ARHGAP32: variants seen among roughly 807,000 people sequenced by gnomAD.
ARHGAP32 encodes Rho GTPase activating protein 32.
A neutral mutation model predicts 186.5 loss-of-function variants in ARHGAP32; 51 were observed. That is an observed-to-expected ratio of 0.27 (90% CI 0.22 to 0.35). The LOEUF (loss-of-function observed/expected upper bound fraction) is 0.35, where lower values mean the gene tolerates loss of function less well. Ranked by LOEUF, ARHGAP32 falls within the 10% of genes least tolerant of loss-of-function variation. The probability of loss-of-function intolerance (pLI) is 1.00; values close to 1 mark genes in which losing one functional copy is unlikely to be tolerated. For synonymous variants in ARHGAP32, 950 were observed against 964.3 expected, an observed-to-expected ratio of 0.99 and a Z score of 0.27; for missense variants, 2,186 against 2,623.5, an observed-to-expected ratio of 0.83 and a Z score of 3.64.
chr11:129,202,634 G>C (rs1227998694), intron 1 of ARHGAP32, among the ~76,000 whole-genome samples: 1 of 152,112 alleles, frequency 6.6e-6, no homozygotes, highest in South Asian at 2.1e-4. Context: ...CAGGAATTAA[G>C]TCAATTTCCC....
chr11:129,163,282 C>T (rs974546721), intron 2 of ARHGAP32, among the ~76,000 whole-genome samples: 2 of 152,278 alleles, frequency 1.3e-5, no homozygotes, highest in African/African-American at 4.8e-5. Context: ...ACAGAGAACA[C>T]TGACTCTTAA....
chr11:129,173,547 G>A (rs569256972), intron 1 of ARHGAP32, among the ~76,000 whole-genome samples: 1 of 152,234 alleles, frequency 6.6e-6, no homozygotes, highest in East Asian at 1.9e-4. Context: ...TACCTCTGAT[G>A]AACATCGATG....
chr11:128,968,790 T>C lies in ARHGAP32; in HGVS notation c.*117A>G. 2 of 825,584 alleles carry C rather than the reference T, an allele frequency of 2.4e-6. No homozygotes were observed. The highest frequency in any genetic ancestry group is 3.3e-6 in the Non-Finnish European group (2 of 597,904). The allele number at this position is 825,584 out of a possible 1,614,324, so 51.1% of individuals were successfully genotyped here. A position where few individuals can be genotyped will look rare whatever the true frequency, so the allele number is the denominator to read the frequency against. On this transcript the variant is annotated 3_prime_UTR_variant, in exon 23 of 23. Transcript: ENST00000682385. ...CTGATTTGTTTACTTTTATTATCAT[T>C]TTTTAAATGTGGTCAGGGGTTTTAT...
At chr11:128,986,718 A>G (rs1192997996) in intron 13 of ARHGAP32, 50 bp from the exon 14 acceptor site, 1 of 1,582,892 alleles carries the variant, frequency 6.3e-7, no homozygotes, top group Admixed American at 1.7e-5. Flanking sequence ...AGGAGAGCAA[A>G]TATGTGTCTT....
At chr11:129,256,725 T>C (rs755353279) in intron 1 of ARHGAP32, among the ~76,000 whole-genome samples, 2 of 152,138 alleles carry the variant, frequency 1.3e-5, no homozygotes, top group Non-Finnish European at 2.9e-5. Context: ...ATAACGGGCA[T>C]GTAAATTATC....
chr11:129,145,743 AC>A (rs1386617022), intron 2 of ARHGAP32, among the ~76,000 whole-genome samples: 1 of 152,114 alleles, frequency 6.6e-6, no homozygotes, highest in East Asian at 1.9e-4. Flanking sequence ...TAAAATTTTG[AC>A]CTATAAAATT....
intron 1 of ARHGAP32, among the ~76,000 whole-genome samples, chr11:129,176,676 C>T (rs1195447180): frequency 6.7e-6 from 1 of 150,258 alleles, no homozygotes; most frequent in Non-Finnish European, 1.5e-5. Context: ...CAACCTGCTC[C>T]GGAATGACTA....
chr11:129,044,530 A>C (rs557082477), intron 10 of ARHGAP32, among the ~76,000 whole-genome samples: 2 of 152,290 alleles, frequency 1.3e-5, no homozygotes, highest in African/African-American at 4.8e-5. Flanking sequence ...AGTAAATGCT[A>C]TTATTATCCC....
intron 1 of ARHGAP32, among the ~76,000 whole-genome samples, chr11:129,178,674 G>C (rs1943977325): frequency 6.6e-6 from 1 of 152,112 alleles, no homozygotes; most frequent in Non-Finnish European, 1.5e-5. Flanking sequence ...ACAAACCTGA[G>C]AAGAACAAGC....
intron 5 of ARHGAP32, among the ~76,000 whole-genome samples, chr11:129,097,291 T>A (rs1042873619): frequency 6.6e-6 from 1 of 152,006 alleles, no homozygotes; most frequent in Admixed American, 6.5e-5. Flanking sequence ...TAGAACACCA[T>A]CTCTACAAAT....
intron 10 of ARHGAP32, among the ~76,000 whole-genome samples, chr11:129,047,988 T>C (rs1200071956): frequency 6.6e-6 from 1 of 152,128 alleles, no homozygotes; most frequent in Non-Finnish European, 1.5e-5. Context: ...GTTCCTCAGG[T>C]CCTTACTTTT....
chr11:129,099,574 A>C (rs957860249), intron 5 of ARHGAP32, among the ~76,000 whole-genome samples: 4 of 152,212 alleles, frequency 2.6e-5, no homozygotes, highest in African/African-American at 9.7e-5. Context: ...AAATACACAA[A>C]TAGATTGAAA....
chr11:129,072,238 G>T (rs959322659), intron 6 of ARHGAP32, among the ~76,000 whole-genome samples: 2 of 152,134 alleles, frequency 1.3e-5, no homozygotes, highest in African/African-American at 2.4e-5. Context: ...TTTAAAAGAG[G>T]TATTAAAATA....
chr11:129,188,694 G>A (rs1944214011), intron 1 of ARHGAP32, among the ~76,000 whole-genome samples: 1 of 146,862 alleles, frequency 6.8e-6, no homozygotes, highest in Non-Finnish European at 1.5e-5. Flanking sequence ...TAAAGGCATT[G>A]TCCCCCCCAA....
chr11:129,008,020 G>C (rs1311292968), intron 11 of ARHGAP32, among the ~76,000 whole-genome samples: 2 of 152,132 alleles, frequency 1.3e-5, no homozygotes, highest in African/African-American at 2.4e-5. Context: ...TCAAGGCAAA[G>C]TCCCAAAATT....
At position 129,015,002 on chromosome 11, in the gene ARHGAP32, C is replaced by T. The variant is rs535032172; in HGVS notation, c.1046-16534G>A. On this transcript the variant is annotated intron_variant, in intron 11 of 22. Transcript: ENST00000682385. Reference sequence around the variant, plus strand: ...TAAAGCACGACAATATATCTATTCACGCTAATGAATATGAAGAAAGAATTT... The same window carrying T: ...TAAAGCACGACAATATATCTATTCATGCTAATGAATATGAAGAAAGAATTT... 6.0e-4 allele frequency among the ~76,000 whole-genome samples: 91 copies of T among 152,154 alleles called. 1 individual carries two copies. The highest frequency in any genetic ancestry group is 1.9e-3 in the African/African-American group (79 of 41,528).
intron 1 of ARHGAP32, among the ~76,000 whole-genome samples, chr11:129,206,361 G>C (rs1944514123): frequency 6.6e-6 from 1 of 152,054 alleles, no homozygotes; most frequent in African/African-American, 2.4e-5. Context: ...ACAGGAATGT[G>C]CCACCATGCC....
intron 5 of ARHGAP32, among the ~76,000 whole-genome samples, chr11:129,102,458 T>C (rs889715687): frequency 3.3e-5 from 5 of 152,168 alleles, no homozygotes; most frequent in Admixed American, 6.5e-5. Flanking sequence ...AAGACACCTA[T>C]GTCACATGCA....
chr11:129,096,724 C>T (rs1377071677), intron 5 of ARHGAP32, among the ~76,000 whole-genome samples: 2 of 152,208 alleles, frequency 1.3e-5, no homozygotes, highest in African/African-American at 4.8e-5. Context: ...TTACACCTAG[C>T]TCCACTGTTT....
Sources: gnomAD v4.1 joint callset for allele counts (sites outside exome capture counted in the v4.1 genomes callset) on GRCh38, gnomAD v4.1.1 for gene constraint, MANE v1.5 for transcripts, NCBI Gene and HGNC (gene_info 2026-07-23, HGNC 2026-07-21) for gene names.